Variants in CTNNA2 observed in about 807,000 individuals in gnomAD.
CTNNA2 encodes the protein catenin alpha-2.
In CTNNA2, 42 loss-of-function variants were observed where a neutral mutation model predicts 101.0. The ratio of observed to expected loss-of-function variants is 0.42; its 90% CI spans 0.32 to 0.54. The LOEUF is 0.54. Among genes scored for constraint, CTNNA2 ranks in the 20% least tolerant of loss-of-function variants. The pLI, the probability that CTNNA2 is intolerant of heterozygous loss-of-function variation, is 0.14. For synonymous variants in CTNNA2, 450 were observed against 456.4 expected (o/e 0.99, Z 0.18); for missense variants, 871 against 1,223.1 (o/e 0.71, Z 4.29).
Position 80,582,054 on chromosome 2 carries a change from C to T in CTNNA2, c.2007+235C>T, listed in dbSNP as rs2287513. 0.31 allele frequency among the ~76,000 whole-genome samples: 46,822 copies of T among 152,014 alleles called. 8,080 individuals carry two copies. Among genetic ancestry groups the T allele is most frequent in the East Asian group, 0.49 (2,534 of 5,138 alleles). On this transcript the variant is annotated intron_variant, in intron 14 of 18. Transcript: ENST00000402739. ...GCTATCACTGGAAACATAGCAACCA[C>T]ATCACAGCAAGCTTTTATGTGTATA... is the stretch of plus-strand genomic sequence containing the variant.
At chr2:80,223,826 G>T (rs1708716325) in intron 7 of CTNNA2, among the ~76,000 whole-genome samples, 1 of 152,210 alleles carries the variant, frequency 6.6e-6, no homozygotes, top group Admixed American at 6.5e-5. Context: ...AGATGTGACT[G>T]ATAATCTTAA....
At chr2:79,610,024 A>G (rs1172726511) in intron 1 of CTNNA2, among the ~76,000 whole-genome samples, 1 of 152,170 alleles carries the variant, frequency 6.6e-6, no homozygotes, top group African/African-American at 2.4e-5. Flanking sequence ...TGCAAAGTAT[A>G]TATCTGATAA....
At chr2:79,339,393 G>A (rs1327416761) in intron 3 of CTNNA2, among the ~76,000 whole-genome samples, 1 of 152,158 alleles carries the variant, frequency 6.6e-6, no homozygotes, top group African/African-American at 2.4e-5. Context: ...GTCAATTACA[G>A]GGTATTGTCA....
intron 7 of CTNNA2, among the ~76,000 whole-genome samples, chr2:80,101,233 C>T (rs1700522022): frequency 6.6e-6 from 1 of 152,130 alleles, no homozygotes; most frequent in Non-Finnish European, 1.5e-5. Context: ...CATTTTGATG[C>T]ATTTCCATTT....
In CTNNA2 at chr2:80,589,306, C is replaced by T. The variant is rs759286385; in HGVS notation, c.2010C>T (p.Ala670=). Residue 670 remains alanine, a splice_region_variant and synonymous_variant, in exon 15 of 19, where the codon GCC becomes GCT. Transcript: ENST00000402739. ...CGCTTTTTCTGTAACCCACGCAGGC[C>T]ATCATGGCGCAACTACCGCAGGAGG... is the stretch of plus-strand genomic sequence containing the variant. The part of the protein sequence containing the change: ...DQLIAGQSAR[A]IMAQLPQEEK... The T allele has an allele frequency of 1.9e-6, 3 of 1,613,826 alleles. No individual in the cohort carries two copies. Among genetic ancestry groups the T allele is most frequent in the South Asian group, 2.2e-5 (2 of 91,070 alleles).
chr2:79,361,289 A>G (rs1677622976), intron 3 of CTNNA2, among the ~76,000 whole-genome samples: 1 of 152,224 alleles, frequency 6.6e-6, no homozygotes, highest in Non-Finnish European at 1.5e-5. Flanking sequence ...GAGTAGAGTT[A>G]AAAGTATTCT....
At chr2:79,274,484 GC>G (rs1277271857) in intron 2 of CTNNA2, among the ~76,000 whole-genome samples, 1 of 151,854 alleles carries the variant, frequency 6.6e-6, no homozygotes, top group Non-Finnish European at 1.5e-5. Context: ...ACTATAAAAA[GC>G]ATATACATTA....
intron 1 of CTNNA2, among the ~76,000 whole-genome samples, chr2:79,540,554 T>A (rs1673344572): frequency 6.6e-6 from 1 of 152,230 alleles, no homozygotes; most frequent in South Asian, 2.1e-4. Flanking sequence ...CCTGTAATCG[T>A]TTACATTACT....
intron 3 of CTNNA2, among the ~76,000 whole-genome samples, chr2:79,370,455 G>A (rs1350607829): frequency 6.6e-6 from 1 of 152,152 alleles, no homozygotes; most frequent in Middle Eastern, 3.2e-3. Context: ...TTAGAGTCTG[G>A]ATGTTAGCAA....
At position 80,040,457 on chromosome 2, in the gene CTNNA2, G is replaced by T. The variant is rs190575947; in HGVS notation, c.1056+130660G>T. Among the ~76,000 whole-genome samples the T allele has an allele frequency of 4.7e-3, 710 of 152,204 alleles. 6 individuals carry two copies. The highest frequency in any genetic ancestry group is 0.015 in the African/African-American group (631 of 41,536). On this transcript the variant is annotated intron_variant, in intron 7 of 18. Transcript: ENST00000402739. ...GAGACAGAGCTCTCAGATCTAATTGGTTTTTCTTGGTCATGCTGTCATTTG... is the reference window on the plus strand; with the variant it reads ...GAGACAGAGCTCTCAGATCTAATTGTTTTTTCTTGGTCATGCTGTCATTTG...
chr2:80,580,753 G>A (rs1184504872), intron 13 of CTNNA2, among the ~76,000 whole-genome samples: 1 of 152,164 alleles, frequency 6.6e-6, no homozygotes, highest in Non-Finnish European at 1.5e-5. Flanking sequence ...AGTGACTCAT[G>A]CTTGTAATCC....
intron 8 of CTNNA2, among the ~76,000 whole-genome samples, chr2:80,411,980 G>A (rs765820937): frequency 6.6e-6 from 1 of 152,028 alleles, no homozygotes; most frequent in Non-Finnish European, 1.5e-5. Context: ...TCTGTCTTTT[G>A]CATATACTCT....
chr2:79,920,492 A>G (rs1298755244), intron 7 of CTNNA2, among the ~76,000 whole-genome samples: 5 of 152,192 alleles, frequency 3.3e-5, no homozygotes, highest in Non-Finnish European at 5.9e-5. Context: ...GAGGCTGCAA[A>G]TAAATATTTT....
intron 7 of CTNNA2, among the ~76,000 whole-genome samples, chr2:80,283,231 C>T (rs1239518567): frequency 1.3e-5 from 2 of 151,974 alleles, no homozygotes; most frequent in Non-Finnish European, 2.9e-5. Flanking sequence ...AGTATGAACC[C>T]TGTTTGGATT....
intron 2 of CTNNA2, among the ~76,000 whole-genome samples, chr2:79,737,569 G>A (rs1670989261): frequency 6.6e-6 from 1 of 152,162 alleles, no homozygotes; most frequent in African/African-American, 2.4e-5. Flanking sequence ...TGTTAGGGAT[G>A]ATATAGTTGG....
chr2:79,568,466 G>A (rs1675252425), intron 1 of CTNNA2, among the ~76,000 whole-genome samples: 1 of 151,760 alleles, frequency 6.6e-6, no homozygotes, highest in Admixed American at 6.6e-5. Flanking sequence ...AGCCAGTAGT[G>A]GTGGCACGTG....
intron 2 of CTNNA2, among the ~76,000 whole-genome samples, chr2:79,718,179 CCT>C (rs1686232882): frequency 6.6e-6 from 1 of 152,134 alleles, no homozygotes; most frequent in Non-Finnish European, 1.5e-5. Context: ...ACTCTGATTT[CCT>C]CTTTGATACG....
chr2:80,273,579 A>G (rs537026730), intron 7 of CTNNA2, among the ~76,000 whole-genome samples: 105 of 151,288 alleles, frequency 6.9e-4, no homozygotes, highest in African/African-American at 2.5e-3. Context: ...GGCCAGCTCC[A>G]CTCCTCTCCA....
intron 7 of CTNNA2, among the ~76,000 whole-genome samples, chr2:80,189,018 T>TCTCAGCTCA (rs1706305877): frequency 6.9e-6 from 1 of 145,614 alleles, no homozygotes; most frequent in Non-Finnish European, 1.5e-5. Context: ...AGTGGCATGA[T>TCTCAGCTCA]CTCAGCTCAC....
Sources: gnomAD v4.1 joint callset for allele counts (sites outside exome capture counted in the v4.1 genomes callset) on GRCh38, gnomAD v4.1.1 for gene constraint, MANE v1.5 for transcripts, NCBI Gene and HGNC (gene_info 2026-07-23, HGNC 2026-07-21) for gene names.